GRIK4: variants seen among roughly 807,000 people sequenced by gnomAD.
GRIK4 encodes glutamate ionotropic receptor kainate type subunit 4.
A neutral mutation model predicts 104.9 loss-of-function variants in GRIK4; 40 were observed. That is an observed-to-expected ratio of 0.38 (90% CI 0.30 to 0.50). The LOEUF is 0.50. Among genes scored for constraint, GRIK4 ranks in the 20% least tolerant of loss-of-function variants. GRIK4 has a pLI of 0.93. For missense variants in GRIK4, 1,047 were observed against 1,308.1 expected (o/e 0.80, Z 3.08); for synonymous variants, 485 against 524.9 (o/e 0.92, Z 1.04).
intron 1 of GRIK4, among the ~76,000 whole-genome samples, chr11:120,602,502 T>G (rs950763930): frequency 6.6e-6 from 1 of 152,068 alleles, no homozygotes; most frequent in Middle Eastern, 3.2e-3. Flanking sequence ...TTTCAATCCT[T>G]TTGGACAGGC....
chr11:120,739,485 A>G (rs1362298998), intron 3 of GRIK4, among the ~76,000 whole-genome samples: 4 of 152,168 alleles, frequency 2.6e-5, no homozygotes, highest in Non-Finnish European at 5.9e-5. Flanking sequence ...GAGTCTGTAC[A>G]TTAGGACTGC....
rs556610962 is a variant in GRIK4 at position 120,831,586 on chromosome 11, C to T, written c.512-266C>T. Among the ~76,000 whole-genome samples, 3 of 152,288 alleles carry T rather than the reference C, an allele frequency of 2.0e-5. No individual in the cohort carries two copies. The East Asian group carries it at 5.8e-4, about 29-fold the overall frequency. Reference sequence around the variant, plus strand: ...TCTCTTATTCCACCCAAGGGAGCTTCCGTCTCTACCTTAAAAGAACGTTCT... The same window carrying T: ...TCTCTTATTCCACCCAAGGGAGCTTTCGTCTCTACCTTAAAAGAACGTTCT... On this transcript the variant is annotated intron_variant, in intron 6 of 20. Transcript: ENST00000527524.
chr11:120,593,028 CA>C (rs1565564755), intron 1 of GRIK4, among the ~76,000 whole-genome samples: 1 of 151,966 alleles, frequency 6.6e-6, no homozygotes, highest in Non-Finnish European at 1.5e-5. Context: ...ACTAAAAATA[CA>C]AAAAATCAGC....
rs745752900 is a variant in GRIK4 at position 120,874,021 on chromosome 11, A to G, written c.907-45A>G. On this transcript the variant is annotated intron_variant, in intron 9 of 20. Transcript: ENST00000527524. ...CTCCCTCCCCTCCCTTTCTTCCTCT[A>G]CACCTCTCACTCCCTCCCTCCGCCT... The G allele has an allele frequency of 3.2e-6, 5 of 1,547,852 alleles. No homozygotes were observed. In the South Asian group the frequency reaches 3.5e-5, roughly 11 times the overall value.
chr11:120,940,317 C>T lies in GRIK4; in HGVS notation c.1477-30C>T, dbSNP rs747770863. 25 of 1,400,152 alleles carry T rather than the reference C, an allele frequency of 1.8e-5. No homozygotes were observed. Among genetic ancestry groups the T allele is most frequent in the Non-Finnish European group, 2.4e-5 (24 of 989,406 alleles). 86.7% of individuals were successfully genotyped at this position (1,400,152 alleles called of 1,614,324 possible). A position where few individuals can be genotyped will look rare whatever the true frequency, so the allele number is the denominator to read the frequency against. On this transcript the variant is annotated intron_variant, in intron 13 of 20. Coordinates refer to ENST00000527524, the MANE Select transcript of GRIK4 (RefSeq NM_014619.5). The surrounding 1 kb of genome is among the most constrained non-coding windows in gnomAD (Gnocchi z 4.3). ...CTGTGCCTCTTCTCCTATGGCCACCCCACTGACGGGCTGTCTCTGTTCTTT... is the reference window on the plus strand; with the variant it reads ...CTGTGCCTCTTCTCCTATGGCCACCTCACTGACGGGCTGTCTCTGTTCTTT...
At chr11:120,520,235 G>A (rs1159817414) in intron 1 of GRIK4, among the ~76,000 whole-genome samples, 2 of 152,134 alleles carry the variant, frequency 1.3e-5, no homozygotes. Flanking sequence ...CATCTCTTAG[G>A]CAAGGAGGCC....
chr11:120,835,281 A>C (rs183761133), intron 7 of GRIK4, among the ~76,000 whole-genome samples: 6 of 152,262 alleles, frequency 3.9e-5, no homozygotes, highest in Admixed American at 6.5e-5. Flanking sequence ...TAATCCCAGC[A>C]CTTTGGGAGG....
intron 3 of GRIK4, among the ~76,000 whole-genome samples, chr11:120,666,377 C>T (rs968639728): frequency 2.0e-5 from 3 of 152,192 alleles, no homozygotes; most frequent in Admixed American, 1.3e-4. Flanking sequence ...TCCTGAATAG[C>T]CTGCTGGCAG....
chr11:120,934,781 G>A (rs995433657), intron 13 of GRIK4, among the ~76,000 whole-genome samples: 2 of 152,200 alleles, frequency 1.3e-5, no homozygotes, highest in Admixed American at 1.3e-4. Flanking sequence ...CTGTGGGGGC[G>A]CACATCCGCC....
intron 1 of GRIK4, among the ~76,000 whole-genome samples, chr11:120,653,272 T>C (rs1949647172): frequency 6.6e-6 from 1 of 152,188 alleles, no homozygotes; most frequent in African/African-American, 2.4e-5. Flanking sequence ...TGTTAGAGGA[T>C]CTTCTAGGTT....
intron 17 of GRIK4, among the ~76,000 whole-genome samples, chr11:120,961,874 G>A (rs1432038880): frequency 6.6e-6 from 1 of 152,224 alleles, no homozygotes; most frequent in East Asian, 1.9e-4. Context: ...CGTGCCTACT[G>A]GCACAGACAA....
chr11:120,519,151 TCAA>T (rs1321782355), intron 1 of GRIK4, among the ~76,000 whole-genome samples: 4 of 152,212 alleles, frequency 2.6e-5, no homozygotes, highest in African/African-American at 9.7e-5. Context: ...AGCTGTGAAT[TCAA>T]CAATGATGAT....
chr11:120,638,019 A>G (rs1017194255), intron 1 of GRIK4, among the ~76,000 whole-genome samples: 16 of 152,048 alleles, frequency 1.1e-4, no homozygotes, highest in Non-Finnish European at 2.2e-4. Context: ...GCCTGGGATT[A>G]CAGGCACCCA....
At chr11:120,598,089 G>A (rs554717940) in intron 1 of GRIK4, among the ~76,000 whole-genome samples, 4 of 152,252 alleles carry the variant, frequency 2.6e-5, no homozygotes, top group Non-Finnish European at 2.9e-5. Context: ...CCTTGGCCTC[G>A]CAGTTGGAGC....
chr11:120,652,724 C>T (rs1025720808), intron 1 of GRIK4, among the ~76,000 whole-genome samples: 18 of 152,132 alleles, frequency 1.2e-4, no homozygotes, highest in African/African-American at 2.4e-4. Flanking sequence ...CCCTTCCTGC[C>T]GCCCCACAGA....
intron 1 of GRIK4, among the ~76,000 whole-genome samples, chr11:120,554,111 G>T (rs1464344182): frequency 6.6e-6 from 1 of 151,254 alleles, no homozygotes; most frequent in Non-Finnish European, 1.5e-5. Context: ...ATCTATAGTA[G>T]CCCTGTGCTG....
At chr11:120,589,296 G>C (rs1591717875) in intron 1 of GRIK4, among the ~76,000 whole-genome samples, 1 of 152,178 alleles carries the variant, frequency 6.6e-6, no homozygotes, top group Non-Finnish European at 1.5e-5. Flanking sequence ...TTAATTTACT[G>C]CCTAGGCCAA....
chr11:120,521,539 A>G (rs1947797034), intron 1 of GRIK4, among the ~76,000 whole-genome samples: 1 of 152,322 alleles, frequency 6.6e-6, no homozygotes, highest in Middle Eastern at 3.4e-3. Flanking sequence ...GCCGAAAGCC[A>G]CATAGTTATT....
intron 3 of GRIK4, among the ~76,000 whole-genome samples, chr11:120,795,880 A>G (rs1345708539): frequency 6.6e-6 from 1 of 152,182 alleles, no homozygotes; most frequent in African/African-American, 2.4e-5. Context: ...GTATTTGCAT[A>G]TAACTTATGC....
Sources: allele counts gnomAD v4.1 joint callset (sites outside exome capture counted in the v4.1 genomes callset), GRCh38; gene constraint gnomAD v4.1.1; non-coding constraint Gnocchi (gnomAD v3.1); transcripts MANE v1.5; gene names NCBI Gene and HGNC (gene_info 2026-07-23, HGNC 2026-07-21).